Variants in SIPA1L3 observed in about 807,000 individuals in gnomAD.
SIPA1L3 encodes signal-induced proliferation-associated 1-like protein 3.
A neutral mutation model predicts 150.1 loss-of-function variants in SIPA1L3; 59 were observed. The ratio of observed to expected loss-of-function variants is 0.39; its 90% CI spans 0.32 to 0.49. SIPA1L3 has a LOEUF of 0.49. Among genes scored for constraint, SIPA1L3 ranks in the 20% least tolerant of loss-of-function variants. The pLI is 0.86. For synonymous variants in SIPA1L3, 1,070 were observed against 1,077.6 expected (o/e 0.99, Z 0.14); for missense variants, 2,211 against 2,489.5 (o/e 0.89, Z 2.38).
chr19:38,193,461 A>G, intron 17 of SIPA1L3, 76 bp from the exon 18 acceptor site: 4 of 1,388,218 alleles, frequency 2.9e-6, no homozygotes, highest in Non-Finnish European at 3.7e-6. Context: ...AATGTCCTAG[A>G]GGGGAAGATG....
chr19:38,053,812 C>T (rs1341228543), intron 2 of SIPA1L3, among the ~76,000 whole-genome samples: 2 of 151,994 alleles, frequency 1.3e-5, no homozygotes, highest in African/African-American at 2.4e-5. Flanking sequence ...GTGATCCTCT[C>T]GCCGTGGCCT....
At chr19:37,988,599 C>A (rs1415657779) in intron 1 of SIPA1L3, among the ~76,000 whole-genome samples, 1 of 152,078 alleles carries the variant, frequency 6.6e-6, no homozygotes, top group Non-Finnish European at 1.5e-5. Context: ...TCGCTTGAAC[C>A]CAGGAGACAG....
chr19:37,945,858 T>A (rs960461509), intron 1 of SIPA1L3, among the ~76,000 whole-genome samples: 1 of 152,164 alleles, frequency 6.6e-6, no homozygotes, highest in Non-Finnish European at 1.5e-5. Context: ...AGAGTGTCTA[T>A]TTTTAAAGAC....
chr19:37,926,186 G>A (rs1279048106), intron 1 of SIPA1L3, among the ~76,000 whole-genome samples: 1 of 152,166 alleles, frequency 6.6e-6, no homozygotes, highest in Non-Finnish European at 1.5e-5. Context: ...CTTTCTTGCT[G>A]TGAGGGTTGG....
Position 38,193,586 on chromosome 19 carries a change from G to C in SIPA1L3, c.4646G>C (p.Cys1549Ser). The C allele has an allele frequency of 6.4e-7, 1 of 1,554,576 alleles. No individual in the cohort carries two copies. Among genetic ancestry groups the C allele is most frequent in the Non-Finnish European group, 8.6e-7 (1 of 1,160,810 alleles). ...CGGACGCTGTCGGACGAGAGCCTGT[G>C]CAGCGGGCGCCGGGAGCCCAGCTTC... ...LQRTLSDESL[C>S]SGRREPSFAS... Residue 1549 changes from cysteine (C) to serine (S), a missense_variant, in exon 18 of 22, where the codon TGC becomes TCC. Coordinates refer to ENST00000222345, the MANE Select transcript of SIPA1L3 (RefSeq NM_015073.3).
intron 2 of SIPA1L3, among the ~76,000 whole-genome samples, chr19:38,077,323 C>T (rs1969859503): frequency 6.6e-6 from 1 of 152,032 alleles, no homozygotes; most frequent in South Asian, 2.1e-4. Flanking sequence ...TGGTGACGTG[C>T]ATCTGTAGTC....
intron 1 of SIPA1L3, among the ~76,000 whole-genome samples, chr19:38,014,987 G>T (rs562891961): frequency 4.0e-5 from 6 of 151,580 alleles, no homozygotes; most frequent in Non-Finnish European, 7.4e-5. Context: ...AATTTTTAAA[G>T]ATTTTTGGTT....
At chr19:38,014,023 C>T (rs564722664) in intron 1 of SIPA1L3, among the ~76,000 whole-genome samples, 2 of 152,362 alleles carry the variant, frequency 1.3e-5, no homozygotes, top group African/African-American at 4.8e-5. Context: ...TCATTCTCTT[C>T]CACGTCACAT....
At chr19:38,155,366 G>A (rs1037132478) in intron 13 of SIPA1L3, among the ~76,000 whole-genome samples, 4 of 152,122 alleles carry the variant, frequency 2.6e-5, no homozygotes, top group East Asian at 1.9e-4. Context: ...GCGAGCCACC[G>A]CACCCGGCTG....
rs117988834 is a variant in SIPA1L3, at chr19:38,103,770, C to T, written c.2029+2544C>T. Among the ~76,000 whole-genome samples the T allele has an allele frequency of 9.9e-4, 149 of 151,254 alleles. 2 individuals carry two copies. In the Middle Eastern group the frequency reaches 0.017, roughly 17 times the overall value. ...AACACCGTCTCTACTAAAATACAGGCGAGCGCCTGTAGTCCCAGCTACTCT... is the reference window on the plus strand; with the variant it reads ...AACACCGTCTCTACTAAAATACAGGTGAGCGCCTGTAGTCCCAGCTACTCT... On this transcript the variant is annotated intron_variant, in intron 6 of 21. Coordinates refer to ENST00000222345, the MANE Select transcript of SIPA1L3 (RefSeq NM_015073.3).
In SIPA1L3 at chr19:38,081,939, C is replaced by T. The variant is rs550050032; in HGVS notation, c.374C>T (p.Pro125Leu). 1.2e-6 allele frequency: 2 copies of T among 1,614,124 alleles called. No homozygotes were observed. The highest frequency in any genetic ancestry group is 1.6e-4 in the Middle Eastern group (1 of 6,062). ...ATGAGGAGCATACAGAACGGACAGC[C>T]CCCCACCAGCACCCCGGCTTCCTCA... ...HSMRSIQNGQ[P>L]PTSTPASSGS... Residue 125 changes from proline (P) to leucine (L), a missense_variant, in exon 3 of 22, where the codon CCC becomes CTC. Around this residue, in one of 5 missense-constraint regions of SIPA1L3, gnomAD observed 587 missense variants for 534.5 expected, o/e 1.10. Coordinates refer to ENST00000222345, the MANE Select transcript of SIPA1L3 (RefSeq NM_015073.3).
At chr19:37,971,705 C>G (rs1348099043) in intron 1 of SIPA1L3, among the ~76,000 whole-genome samples, 1 of 152,076 alleles carries the variant, frequency 6.6e-6, no homozygotes, top group African/African-American at 2.4e-5. Context: ...CCTGGGATTA[C>G]AGGCGTGTGA....
chr19:38,058,914 A>T (rs1382377542), intron 2 of SIPA1L3, among the ~76,000 whole-genome samples: 4 of 151,744 alleles, frequency 2.6e-5, no homozygotes, highest in African/African-American at 9.7e-5. Flanking sequence ...ATCCCAGCTT[A>T]CTGGGGAGGC....
chr19:38,182,798 G>T lies in SIPA1L3; in HGVS notation c.4430+58G>T, dbSNP rs1446373008. The T allele has an allele frequency of 3.7e-6, 5 of 1,352,444 alleles. No homozygotes were observed. The East Asian group carries it at 9.6e-5, about 26-fold the overall frequency. 83.8% of individuals were successfully genotyped at this position (1,352,444 alleles called of 1,614,324 possible). On this transcript the variant is annotated intron_variant, in intron 16 of 21. Coordinates refer to ENST00000222345, the MANE Select transcript of SIPA1L3 (RefSeq NM_015073.3). ...CAGATCCACACCAGGGCGTCTCCGG[G>T]GCGGAAAGAGGGTGATGCCACATGC...
intron 1 of SIPA1L3, among the ~76,000 whole-genome samples, chr19:37,954,144 A>C (rs1161548260): frequency 6.6e-6 from 1 of 152,184 alleles, no homozygotes; most frequent in Non-Finnish European, 1.5e-5. Flanking sequence ...CAATCATGTA[A>C]ATTTTTCCCT....
At chr19:38,125,436 CAT>C (rs1421155634) in intron 9 of SIPA1L3, among the ~76,000 whole-genome samples, 14 of 152,184 alleles carry the variant, frequency 9.2e-5, no homozygotes, top group African/African-American at 3.4e-4. Context: ...TGCCAGGTGA[CAT>C]GTTTTACCCA....
intron 1 of SIPA1L3, among the ~76,000 whole-genome samples, chr19:37,926,037 C>T (rs1228800879): frequency 6.6e-6 from 1 of 152,210 alleles, no homozygotes; most frequent in East Asian, 1.9e-4. Context: ...ACTACATTAT[C>T]TGAGTGAGTT....
At chr19:37,977,015 T>A (rs1341908585) in intron 1 of SIPA1L3, among the ~76,000 whole-genome samples, 1 of 151,602 alleles carries the variant, frequency 6.6e-6, no homozygotes, top group East Asian at 1.9e-4. Context: ...TTTGTATGTT[T>A]TTATAGAGAC....
In SIPA1L3 at chr19:38,197,482, C is replaced by G. The variant is rs1014724806; in HGVS notation, c.4841-907C>G. On this transcript the variant is annotated intron_variant, in intron 18 of 21. Coordinates refer to ENST00000222345, the MANE Select transcript of SIPA1L3 (RefSeq NM_015073.3). Reference sequence around the variant, plus strand: ...AGCGTGTCATACCTGAACCTGCCCCCCCACGGCAACCCCACCCCGTGTAAA... The same window carrying G: ...AGCGTGTCATACCTGAACCTGCCCCGCCACGGCAACCCCACCCCGTGTAAA... 4.6e-5 allele frequency among the ~76,000 whole-genome samples: 7 copies of G among 152,088 alleles called. No homozygotes were observed. In the East Asian group the frequency reaches 7.7e-4, roughly 17 times the overall value.
Sources: gnomAD v4.1 joint callset for allele counts (sites outside exome capture counted in the v4.1 genomes callset) on GRCh38, gnomAD v4.1.1 for gene constraint, gnomAD v4.1.1 regional missense constraint, MANE v1.5 for transcripts, NCBI Gene and HGNC (gene_info 2026-07-23, HGNC 2026-07-21) for gene names.